The following DNAJC19 variants were observed in gnomAD, a reference collection of about 807,000 sequenced individuals.
DNAJC19 encodes the protein mitochondrial import inner membrane translocase subunit TIM14.
Under a neutral mutation model 19.8 loss-of-function variants are expected in DNAJC19, and 15 were observed. That is an observed-to-expected ratio of 0.76 (90% confidence interval 0.51 to 1.17). The LOEUF is 1.17. Ranked by LOEUF, DNAJC19 falls within the 50% of genes most tolerant of loss-of-function variation. The probability of loss-of-function intolerance (pLI) is 0.00; values close to 1 mark genes in which losing one functional copy is unlikely to be tolerated. For missense variants in DNAJC19, 105 were observed against 140.9 expected (o/e 0.75, Z 1.29); for synonymous variants, 38 against 42.1 (o/e 0.90, Z 0.38).
rs1429870481 is a variant in DNAJC19 at position 180,984,371 on chromosome 3, G to C, written c.*269C>G. On this transcript the variant is annotated 3_prime_UTR_variant, in exon 6 of 6. Transcript: ENST00000382564. Reference sequence around the variant, plus strand: ...CATCTTCACTTTGCCTTGAAAAGTAGACATAGGTCCCAAATTATCTGCTAA... The same window carrying C: ...CATCTTCACTTTGCCTTGAAAAGTACACATAGGTCCCAAATTATCTGCTAA... The C allele has an allele frequency of 8.1e-6, 4 of 492,434 alleles. No individual in the cohort carries two copies. The highest frequency in any genetic ancestry group is 1.6e-5 in the Non-Finnish European group (4 of 251,470). The allele number at this position is 492,434 out of a possible 1,614,324, so 30.5% of individuals were successfully genotyped here.
At chr3:180,987,301 G>A (rs1327036262) in intron 3 of DNAJC19, 4 of 431,688 alleles carry the variant, frequency 9.3e-6, no homozygotes, top group East Asian at 9.1e-5. Context: ...CAGGTCTTCC[G>A]GGAGTAAAGG....
intron 4 of DNAJC19, 149 bp from the exon 5 acceptor site, chr3:180,986,145 T>G (rs1714893213): frequency 1.5e-6 from 1 of 680,658 alleles, no homozygotes. Context: ...ACACACCCAA[T>G]GCGTATCCTA....
At chr3:180,987,044 T>G in intron 3 of DNAJC19, 22 bp from the exon 4 acceptor site, 1 of 1,601,758 alleles carries the variant, frequency 6.2e-7, no homozygotes, top group Non-Finnish European at 8.6e-7. Context: ...AATGCATTTG[T>G]AAAGAAAGGT....
At chr3:180,987,904 A>T (rs1216054979) in intron 3 of DNAJC19, 119 bp downstream of exon 3, 1 of 1,175,670 alleles carries the variant, frequency 8.5e-7, no homozygotes, top group Non-Finnish European at 1.3e-6. Flanking sequence ...CCTTGCAGGA[A>T]GCAGGAGAAT....
At chr3:180,989,805 C>T (rs1482102138), upstream of DNAJC19, 12 of 857,540 alleles carry the variant, frequency 1.4e-5, no homozygotes, top group Non-Finnish European at 1.7e-5. Flanking sequence ...AGGAAAGTCG[C>T]TCAAGCAGTG....
chr3:180,988,345 TTTTTTTTC>T, intron 1 of DNAJC19, 116 bp from the exon 2 acceptor site: 1 of 1,098,544 alleles, frequency 9.1e-7, no homozygotes. Flanking sequence ...GAAACAACTT[TTTTTTTTC>T]TTTTTTTTTT....
intron 5 of DNAJC19, among the ~76,000 whole-genome samples, chr3:180,985,181 A>G (rs778937306): frequency 3.3e-5 from 5 of 152,036 alleles, no homozygotes; most frequent in Non-Finnish European, 7.4e-5. Context: ...TTTTCCTGTT[A>G]TCTACTGTCC....
Position 180,984,724 on chromosome 3 carries a change from GAAA to G in DNAJC19, c.281-17_281-15del. On this transcript the variant is annotated splice_polypyrimidine_tract_variant and intron_variant, in intron 5 of 5. Transcript: ENST00000382564. ...AAGGAGATCCTCCTATAGGAAGAAA[GAAA>G]AAAGAACAGTTACAATATGGATTCT... is the stretch of plus-strand genomic sequence containing the variant. 1.3e-6 allele frequency: 2 copies of G among 1,577,338 alleles called. No homozygotes were observed. The highest frequency in any genetic ancestry group is 2.3e-5 in the East Asian group (1 of 44,424).
intron 4 of DNAJC19, 61 bp from the exon 5 acceptor site, chr3:180,986,057 T>C: frequency 7.4e-7 from 1 of 1,357,724 alleles, no homozygotes. Context: ...CAAAAAACTG[T>C]ACATAAAGGC....
chr3:180,988,905 G>A (rs1715057879), intron 1 of DNAJC19, among the ~76,000 whole-genome samples: 1 of 151,790 alleles, frequency 6.6e-6, no homozygotes, highest in Non-Finnish European at 1.5e-5. Flanking sequence ...AGCTACTTGG[G>A]AGGCTGAGGC....
At chr3:180,988,655 T>C (rs1279693860) in intron 1 of DNAJC19, among the ~76,000 whole-genome samples, 1 of 152,090 alleles carries the variant, frequency 6.6e-6, no homozygotes, top group Non-Finnish European at 1.5e-5. Context: ...TTCCCTCCCT[T>C]TGAAAACTTC....
rs997423816 is a variant in DNAJC19, at chr3:180,984,104, C to G, written c.*536G>C. 1 of 453,978 alleles carries G rather than the reference C, an allele frequency of 2.2e-6. No homozygotes were observed. The highest frequency in any genetic ancestry group is 2.0e-5 in the African/African-American group (1 of 50,010). 28.1% of individuals were successfully genotyped at this position (453,978 alleles called of 1,614,324 possible). A position where few individuals can be genotyped will look rare whatever the true frequency, so the allele number is the denominator to read the frequency against. On this transcript the variant is annotated 3_prime_UTR_variant, in exon 6 of 6. Transcript: ENST00000382564. The stretch of plus-strand genomic sequence containing the variant: ...TTTATATGTACATAGAATACACACA[C>G]ACACACACCCCTAGGTCAATTTCTT...
At chr3:180,988,330 T>G in intron 1 of DNAJC19, 101 bp from the exon 2 acceptor site, 2 of 1,312,988 alleles carry the variant, frequency 1.5e-6, no homozygotes, top group East Asian at 2.4e-5. Context: ...TGCATTTTAA[T>G]AGGAGAAACA....
intron 1 of DNAJC19, among the ~76,000 whole-genome samples, chr3:180,989,007 CAAAAA>C (rs10585461): frequency 7.8e-6 from 1 of 127,808 alleles, no homozygotes. Flanking sequence ...GACTCTGTCT[CAAAAA>C]AAAAAAAAAA....
intron 1 of DNAJC19, among the ~76,000 whole-genome samples, chr3:180,989,007 C>CAAA (rs10585461): frequency 7.8e-6 from 1 of 127,808 alleles, no homozygotes; most frequent in Non-Finnish European, 1.7e-5. Context: ...GACTCTGTCT[C>CAAA]AAAAAAAAAA....
intron 4 of DNAJC19, chr3:180,986,602 A>G (rs758544829): frequency 1.8e-5 from 4 of 227,104 alleles, no homozygotes; most frequent in Non-Finnish European, 3.5e-5. Context: ...TTTCACCACA[A>G]AAAAAATGTC....
chr3:180,987,127 G>A lies in DNAJC19; in HGVS notation c.130-105C>T. ...AACTAAGAAAAACTAAGACATTTCA[G>A]AGGACTTTTAGTGCAATTCCCGAGG... On this transcript the variant is annotated intron_variant, in intron 3 of 5. Coordinates refer to ENST00000382564, the MANE Select transcript of DNAJC19 (RefSeq NM_145261.4). The A allele has an allele frequency of 2.8e-6, 3 of 1,054,994 alleles. No individual in the cohort carries two copies. In the South Asian group the frequency reaches 4.0e-5, roughly 14 times the overall value. The allele number at this position is 1,054,994 out of a possible 1,614,324, so 65.4% of individuals were successfully genotyped here.
rs1324750289 is a variant in DNAJC19 at position 180,984,299 on chromosome 3, T to G, written c.*341A>C. 1 of 458,258 alleles carries G rather than the reference T, an allele frequency of 2.2e-6. No homozygotes were observed. The highest frequency in any genetic ancestry group is 4.4e-6 in the Non-Finnish European group (1 of 229,582). 28.4% of individuals were successfully genotyped at this position (458,258 alleles called of 1,614,324 possible). On this transcript the variant is annotated 3_prime_UTR_variant, in exon 6 of 6. Coordinates refer to ENST00000382564, the MANE Select transcript of DNAJC19 (RefSeq NM_145261.4). ...TATTTATCACAGTCTAATTACCAGT[T>G]TATCAGTCTCCCATTAAAGTGGGGG...
In DNAJC19 at chr3:180,989,699, C is replaced by A; in HGVS notation, c.-97G>T. ...TGCACGCCTTTACCAGAGAGCGACG[C>A]AACCCCCAACCTCAAGCACAGGCGC... is the stretch of plus-strand genomic sequence containing the variant. On this transcript the variant is annotated 5_prime_UTR_variant, in exon 1 of 6. Coordinates refer to ENST00000382564, the MANE Select transcript of DNAJC19 (RefSeq NM_145261.4). The A allele has an allele frequency of 6.5e-7, 1 of 1,542,888 alleles. No homozygotes were observed. The highest frequency in any genetic ancestry group is 8.7e-7 in the Non-Finnish European group (1 of 1,143,204).
Sources: allele counts gnomAD v4.1 joint callset (sites outside exome capture counted in the v4.1 genomes callset), GRCh38; gene constraint gnomAD v4.1.1; transcripts MANE v1.5; gene names NCBI Gene and HGNC (gene_info 2026-07-23, HGNC 2026-07-21).